Variants in NLRC4 observed in about 807,000 individuals in gnomAD.
The protein encoded by NLRC4 is NLR family CARD domain containing 4, also known as NLR family CARD domain-containing protein 4.
Under a neutral mutation model 79.9 loss-of-function variants are expected in NLRC4, and 63 were observed. The observed-to-expected ratio is 0.79, with a 90% CI of 0.64 to 0.97. NLRC4 has a LOEUF of 0.97. NLRC4 is among the 50% of genes least tolerant of loss of function. The pLI is 0.00. For missense variants in NLRC4, 1,074 were observed against 1,215.2 expected, an observed-to-expected ratio of 0.88 and a Z score of 1.73; for synonymous variants, 461 against 456.5, an observed-to-expected ratio of 1.01 and a Z score of -0.12.
chr2:32,250,990 C>A lies in NLRC4; in HGVS notation c.874G>T (p.Ala292Ser), dbSNP rs1448691177. ...ATATCCCCCACCTCAGCAGTCAGGG[C>A]ACCAAACTGCCGTATGTGCCTCAGG... Reference protein sequence around the residue: ...ECLRHIRQFGALTAEVGDMTE... With the variant: ...ECLRHIRQFGSLTAEVGDMTE... The change falls in exon 4 of 9, where the codon GCC (alanine) becomes TCC (serine). Residue 292 changes from alanine (A) to serine (S), a missense_variant. Transcript: ENST00000402280. This position sits in a 1 kb window ranked among gnomAD's most constrained non-coding sequence, Gnocchi z 4.9. 1.9e-6 allele frequency: 3 copies of A among 1,614,168 alleles called. No homozygotes were observed. The highest frequency in any genetic ancestry group is 2.2e-5 in the South Asian group (2 of 91,074).
chr2:32,255,578 C>T (rs1687189750), intron 2 of NLRC4, among the ~76,000 whole-genome samples: 2 of 150,600 alleles, frequency 1.3e-5, no homozygotes, highest in South Asian at 4.2e-4. Flanking sequence ...GACCCACACA[C>T]ACACAAGTTC....
At chr2:32,230,597 A>G (rs927067259) in intron 8 of NLRC4, among the ~76,000 whole-genome samples, 12 of 151,038 alleles carry the variant, frequency 7.9e-5, no homozygotes, top group African/African-American at 2.4e-4. Flanking sequence ...TCAGCCTCCC[A>G]AGTAGCTGGG....
chr2:32,226,113 T>TGCTACCAG (rs1686388479), intron 8 of NLRC4, among the ~76,000 whole-genome samples: 1 of 152,206 alleles, frequency 6.6e-6, no homozygotes. Flanking sequence ...AAAAGGTATC[T>TGCTACCAG]GCTACCAGTA....
At chr2:32,233,127 G>GGGGA (rs1210347299) in intron 8 of NLRC4, among the ~76,000 whole-genome samples, 45 of 110,428 alleles carry the variant, frequency 4.1e-4, no homozygotes, top group Admixed American at 3.1e-4. Flanking sequence ...GAGAGGGGTG[G>GGGGA]GGGAGGGAGG....
chr2:32,233,971 G>T (rs763521708), intron 8 of NLRC4, among the ~76,000 whole-genome samples: 12 of 152,074 alleles, frequency 7.9e-5, no homozygotes, highest in Non-Finnish European at 1.3e-4. Context: ...CCAGTGTTGG[G>T]GACATATATA....
rs889596566 is a variant in NLRC4, at chr2:32,250,959, T to G, written c.905A>C (p.Glu302Ala). 6.2e-7 allele frequency: 1 copy of G among 1,614,162 alleles called. No homozygotes were observed. Reference sequence around the variant, plus strand: ...TCGGATGAGAGCCTGGGCGCTGTCTTCTGTCATATCCCCCACCTCAGCAGT... The same window carrying G: ...TCGGATGAGAGCCTGGGCGCTGTCTGCTGTCATATCCCCCACCTCAGCAGT... ...ALTAEVGDMT[E>A]DSAQALIREV... The change falls in exon 4 of 9, where the codon GAA (glutamate) becomes GCA (alanine). Residue 302 changes from glutamate (E) to alanine (A), a missense_variant. Transcript: ENST00000402280. This position sits in a 1 kb window ranked among gnomAD's most constrained non-coding sequence, Gnocchi z 4.9.
intron 1 of NLRC4, among the ~76,000 whole-genome samples, chr2:32,264,220 G>T (rs187879484): frequency 9.2e-5 from 14 of 152,178 alleles, no homozygotes; most frequent in Admixed American, 3.3e-4. Flanking sequence ...CAGATCACGA[G>T]GTCAGGAGTT....
chr2:32,243,505 C>T (rs142002481), intron 4 of NLRC4, among the ~76,000 whole-genome samples: 10 of 151,044 alleles, frequency 6.6e-5, no homozygotes, highest in African/African-American at 2.4e-4. Flanking sequence ...TTCAGTCATG[C>T]ATAAAAGAAT....
chr2:32,228,794 G>A (rs1686463632), intron 8 of NLRC4, among the ~76,000 whole-genome samples: 1 of 151,700 alleles, frequency 6.6e-6, no homozygotes, highest in African/African-American at 2.4e-5. Context: ...TTTGAGACAG[G>A]TTCTGGCTCT....
chr2:32,236,295 A>G lies in NLRC4; in HGVS notation c.2566T>C (p.Ser856Pro). Residue 856 changes from serine to proline, a missense_variant, in exon 7 of 9, where the codon TCA (serine) becomes CCA (proline). Transcript: ENST00000402280. ...NLVKLSILDL[S>P]ENYLEKDGNE... Reference sequence around the variant, plus strand: ...CCATCTTTTTCCAGGTAATTTTCTGATAAATCAAGAATGCTCAGTTTGACC... The same window carrying G: ...CCATCTTTTTCCAGGTAATTTTCTGGTAAATCAAGAATGCTCAGTTTGACC... The G allele has an allele frequency of 6.2e-7, 1 of 1,612,606 alleles. No homozygotes were observed. The highest frequency in any genetic ancestry group is 8.5e-7 in the Non-Finnish European group (1 of 1,179,258).
intron 2 of NLRC4, among the ~76,000 whole-genome samples, 163 bp from the exon 3 acceptor site, chr2:32,252,842 C>A (rs1687112915): frequency 6.6e-6 from 1 of 152,150 alleles, no homozygotes; most frequent in East Asian, 2.0e-4. Context: ...CACAGTGAAA[C>A]CCTGTCTCTA....
intron 1 of NLRC4, among the ~76,000 whole-genome samples, chr2:32,261,316 C>CTTTTTTCTTTTTTTTTTTTTTTTTT (rs751434892): frequency 1.0e-5 from 1 of 96,884 alleles, no homozygotes; most frequent in African/African-American, 4.1e-5. Context: ...AGCCTCCCCC[C>CTTTTTTCTTTTTTTTTTTTTTTTTT]TTTTGTTTTT....
intron 8 of NLRC4, among the ~76,000 whole-genome samples, chr2:32,233,684 AAG>A (rs1686607169): frequency 6.6e-6 from 1 of 152,078 alleles, no homozygotes; most frequent in South Asian, 2.1e-4. Context: ...GGGATTTTTT[AAG>A]ACTTATTTTG....
intron 1 of NLRC4, among the ~76,000 whole-genome samples, chr2:32,264,431 CT>C (rs1174693491): frequency 1.6e-5 from 2 of 127,558 alleles, no homozygotes; most frequent in Non-Finnish European, 3.3e-5. Flanking sequence ...AAGACTCTGT[CT>C]CAAAAAAAAA....
chr2:32,230,127 C>T (rs1686495627), intron 8 of NLRC4, among the ~76,000 whole-genome samples: 1 of 152,070 alleles, frequency 6.6e-6, no homozygotes, highest in Non-Finnish European at 1.5e-5. Flanking sequence ...TCAAGCACTG[C>T]TAAAGAGACT....
At chr2:32,244,165 T>TGA (rs1481359589) in intron 4 of NLRC4, among the ~76,000 whole-genome samples, 21 of 151,998 alleles carry the variant, frequency 1.4e-4, no homozygotes, top group Non-Finnish European at 2.8e-4. Flanking sequence ...TGGGTGGATC[T>TGA]GTTGAGCCCA....
At position 32,235,529 on chromosome 2, in the gene NLRC4, A is replaced by G; in HGVS notation, c.2654T>C (p.Met885Thr). Residue 885 changes from methionine (M) to threonine (T), a missense_variant, in exon 8 of 9, where the codon ATG becomes ACG. Transcript: ENST00000402280. ...TTGCACGTCACAGCCCCAGGGCAGC[A>G]TCAGTGCGGTGAGCTGTTCTAGCAC... ...MNVLEQLTALMLPWGCDVQGS... is the reference protein window; with the variant it reads ...MNVLEQLTALTLPWGCDVQGS... 6.2e-7 allele frequency: 1 copy of G among 1,614,210 alleles called. No homozygotes were observed. Among genetic ancestry groups the G allele is most frequent in the Non-Finnish European group, 8.5e-7 (1 of 1,180,024 alleles).
chr2:32,238,454 G>C, intron 5 of NLRC4, 152 bp from the exon 6 acceptor site: 1 of 653,174 alleles, frequency 1.5e-6, no homozygotes, highest in Non-Finnish European at 2.5e-6. Flanking sequence ...ATCAACGAGA[G>C]CTTTTTTTCT....
At chr2:32,251,645 C>A in intron 3 of NLRC4, 44 bp from the exon 4 acceptor site, 2 of 1,349,540 alleles carry the variant, frequency 1.5e-6, no homozygotes, top group South Asian at 2.8e-5. Flanking sequence ...AATTCTGTGT[C>A]TCCTCAAAAC....
Sources: allele counts gnomAD v4.1 joint callset (sites outside exome capture counted in the v4.1 genomes callset), GRCh38; gene constraint gnomAD v4.1.1; non-coding constraint Gnocchi (gnomAD v3.1); transcripts MANE v1.5; gene names NCBI Gene and HGNC (gene_info 2026-07-23, HGNC 2026-07-21).